The following PRELID2 variants were observed in gnomAD, a reference collection of about 807,000 sequenced individuals.
PRELID2 encodes the protein PRELI domain-containing protein 2.
PRELID2 carries 25 observed loss-of-function variants against 28.4 expected under a neutral mutation model. The ratio of observed to expected loss-of-function variants is 0.88; its 90% confidence interval spans 0.64 to 1.23. The LOEUF (loss-of-function observed/expected upper bound fraction) is 1.23. Among genes scored for constraint, PRELID2 ranks in the 50% most tolerant of loss-of-function variants. PRELID2 has a pLI of 0.00. For missense variants in PRELID2, 201 were observed against 214.4 expected (o/e 0.94, Z 0.39); for synonymous variants, 76 against 71.6 (o/e 1.06, Z -0.31).
chr5:145,575,500 G>T (rs1012596340), intron 1 of PRELID2, among the ~76,000 whole-genome samples: 2 of 152,102 alleles, frequency 1.3e-5, no homozygotes, highest in Admixed American at 6.6e-5. Context: ...ACACAAGATA[G>T]ATAGCAGAAA....
the PRELID2 span, among the ~76,000 whole-genome samples, chr5:145,238,983 ATCTG>A: frequency 1.9e-4 from 29 of 152,078 alleles, no homozygotes; most frequent in East Asian, 1.6e-3. Context: ...CTATCTATCT[ATCTG>A]TCTATCTATC....
intron 1 of PRELID2, among the ~76,000 whole-genome samples, chr5:145,528,690 T>TACACACAC (rs34302691): frequency 7.7e-6 from 1 of 129,694 alleles, no homozygotes; most frequent in African/African-American, 2.9e-5. Context: ...CATTCTAAAC[T>TACACACAC]ACACACACAC....
Position 145,757,537 on chromosome 5 carries a change from T to C in PRELID2, c.*2999A>G, listed in dbSNP as rs1406551306. The stretch of plus-strand genomic sequence containing the variant: ...ATTAACCCTTTCCCACTCTTGTTTC[T>C]AGTGTGCCCAATAAGCCTGTACTCC... On this transcript the variant is annotated 3_prime_UTR_variant, in exon 7 of 7. Coordinates refer to ENST00000683046, the MANE Select transcript of PRELID2 (RefSeq NM_205846.3). Among the ~76,000 whole-genome samples, 1 of 152,168 alleles carries C rather than the reference T, an allele frequency of 6.6e-6. No individual in the cohort carries two copies. The highest frequency in any genetic ancestry group is 1.5e-5 in the Non-Finnish European group (1 of 68,030).
the PRELID2 span, among the ~76,000 whole-genome samples, chr5:145,331,160 C>G: frequency 1.3e-5 from 2 of 151,986 alleles, no homozygotes; most frequent in Non-Finnish European, 1.5e-5. Flanking sequence ...GATTTCCATT[C>G]TTTTGCATTC....
chr5:145,496,097 A>T (rs1430518189), intron 1 of PRELID2, among the ~76,000 whole-genome samples: 1 of 152,212 alleles, frequency 6.6e-6, no homozygotes, highest in African/African-American at 2.4e-5. Context: ...TGCTATTCTT[A>T]GAAATTAGAA....
intron 6 of PRELID2, among the ~76,000 whole-genome samples, chr5:145,761,766 A>C (rs1022710771): frequency 9.2e-5 from 14 of 152,216 alleles, no homozygotes; most frequent in African/African-American, 3.4e-4. Context: ...TTTGGTTTAC[A>C]GGCTGTAGTT....
rs539372467 is a variant in PRELID2 at position 145,474,936 on chromosome 5, C to CATGCATATT, written n.71-1630_71-1622dup. ...TTTAGTGTATAAAAGGAGATATCAC[C>CATGCATATT]ATGCATATTAAATGAACTATTTACT... On this transcript the variant is annotated intron_variant and non_coding_transcript_variant, in intron 1 of 2. Coordinates refer to the PRELID2 transcript ENST00000510259. 6.5e-3 allele frequency among the ~76,000 whole-genome samples: 983 copies of CATGCATATT among 152,188 alleles called. 11 individuals are homozygous for CATGCATATT. The highest frequency in any genetic ancestry group is 0.023 in the African/African-American group (949 of 41,512).
intron 1 of PRELID2, among the ~76,000 whole-genome samples, chr5:145,610,101 G>T (rs1753589505): frequency 6.6e-6 from 1 of 152,130 alleles, no homozygotes; most frequent in Admixed American, 6.5e-5. Context: ...GCAGTGATAG[G>T]GTGCAGCGGG....
At chr5:145,627,847 C>A (rs1427213620) in intron 1 of PRELID2, among the ~76,000 whole-genome samples, 1 of 152,178 alleles carries the variant, frequency 6.6e-6, no homozygotes, top group Admixed American at 6.5e-5. Context: ...ATCATGCTGA[C>A]CCCTTTCCAT....
At chr5:145,468,081 A>G (rs1752019164), downstream of PRELID2, among the ~76,000 whole-genome samples, 1 of 151,930 alleles carries the variant, frequency 6.6e-6, no homozygotes, top group African/African-American at 2.4e-5. Flanking sequence ...CCAACCCCAC[A>G]ACAGGCCCCA....
chr5:145,428,506 A>AT, the PRELID2 span, among the ~76,000 whole-genome samples: 1 of 152,158 alleles, frequency 6.6e-6, no homozygotes, highest in Non-Finnish European at 1.5e-5. Flanking sequence ...ACAGGTAAAT[A>AT]TAGAATATGT....
chr5:145,514,797 T>C (rs1752498729), intron 1 of PRELID2, among the ~76,000 whole-genome samples: 2 of 152,076 alleles, frequency 1.3e-5, no homozygotes, highest in South Asian at 2.1e-4. Flanking sequence ...AAGGAAATCA[T>C]AACAAACAGT....
intron 1 of PRELID2, among the ~76,000 whole-genome samples, chr5:145,489,286 C>T (rs964902268): frequency 6.6e-6 from 1 of 152,180 alleles, no homozygotes; most frequent in Admixed American, 6.5e-5. Context: ...TCATCATTAG[C>T]TATTTGATTC....
intron 1 of PRELID2, among the ~76,000 whole-genome samples, chr5:145,520,511 C>A (rs965542959): frequency 6.6e-6 from 1 of 152,152 alleles, no homozygotes; most frequent in Non-Finnish European, 1.5e-5. Flanking sequence ...CATCTGTTCA[C>A]CTGCAGTTCT....
intron 4 of PRELID2, among the ~76,000 whole-genome samples, chr5:145,804,678 G>A (rs1042058030): frequency 6.6e-6 from 1 of 152,002 alleles, no homozygotes; most frequent in Admixed American, 6.6e-5. Flanking sequence ...AAAAACTGAG[G>A]TTCCAAGAGG....
the PRELID2 span, chr5:145,230,042 C>T: frequency 1.4e-6 from 1 of 700,144 alleles, no homozygotes. Context: ...AGAGTAAGTT[C>T]ACTGCCAGAT....
chr5:145,794,739 AT>A (rs1248358904), intron 5 of PRELID2, among the ~76,000 whole-genome samples: 1 of 152,176 alleles, frequency 6.6e-6, no homozygotes, highest in Admixed American at 6.6e-5. Flanking sequence ...TAAAATGGGA[AT>A]AAAAATTTCA....
the PRELID2 span, among the ~76,000 whole-genome samples, chr5:145,296,322 C>T: frequency 6.6e-6 from 1 of 151,368 alleles, no homozygotes; most frequent in African/African-American, 2.4e-5. Flanking sequence ...GGTATATCTC[C>T]TAAAGCTATC....
At chr5:145,246,332 A>T in the PRELID2 span, among the ~76,000 whole-genome samples, 1 of 152,126 alleles carries the variant, frequency 6.6e-6, no homozygotes, top group Admixed American at 6.6e-5. Flanking sequence ...ATTTTTATTA[A>T]GTACCGGGGA....
Sources: gnomAD v4.1 joint callset for allele counts (sites outside exome capture counted in the v4.1 genomes callset) on GRCh38, gnomAD v4.1.1 for gene constraint, MANE v1.5 for transcripts, NCBI Gene and HGNC (gene_info 2026-07-23, HGNC 2026-07-21) for gene names.